The following RYR3 variants were observed in gnomAD, a reference collection of about 807,000 sequenced individuals.
The protein encoded by RYR3 is brain ryanodine receptor-calcium release channel.
Under a neutral mutation model 584.3 loss-of-function variants are expected in RYR3, and 207 were observed. That is an observed-to-expected ratio of 0.35 (90% CI 0.32 to 0.40). RYR3 has a LOEUF of 0.40. Among genes scored for constraint, RYR3 ranks in the 10% least tolerant of loss-of-function variants. RYR3 has a pLI of 1.00. For synonymous variants in RYR3, 2,416 were observed against 2,248.5 expected (o/e 1.07, Z -2.11); for missense variants, 5,616 against 6,089.2 (o/e 0.92, Z 2.59).
chr15:33,453,860 ACT>A (rs1235873462), intron 1 of RYR3, among the ~76,000 whole-genome samples: 4 of 152,176 alleles, frequency 2.6e-5, no homozygotes, highest in African/African-American at 9.7e-5. Flanking sequence ...TAACCCTTTG[ACT>A]CTGTTGGAGA....
chr15:33,860,271 G>A (rs1435612118), intron 100 of RYR3, among the ~76,000 whole-genome samples: 1 of 152,168 alleles, frequency 6.6e-6, no homozygotes, highest in Non-Finnish European at 1.5e-5. Flanking sequence ...GAGGTGCTAG[G>A]AGAAGAGGGA....
intron 73 of RYR3, 24 bp downstream of exon 73, chr15:33,813,018 A>T: frequency 5.6e-6 from 9 of 1,613,352 alleles, no homozygotes; most frequent in Non-Finnish European, 7.6e-6. Context: ...GCCCTGAGGA[A>T]TGGGGAAGCA....
At position 33,801,909 on chromosome 15, in the gene RYR3, A is replaced by C. The variant is rs1419125742; in HGVS notation, c.9959A>C (p.Glu3320Ala). The C allele has an allele frequency of 1.3e-6, 2 of 1,585,760 alleles. No homozygotes were observed. Among genetic ancestry groups the C allele is most frequent in the Admixed American group, 3.6e-5 (2 of 55,688 alleles). The change falls in exon 69 of 104, where the codon GAA (glutamate) becomes GCA (alanine). Residue 3320 changes from glutamate (E) to alanine (A), a missense_variant. By Grantham distance (107) the Glu-to-Ala change is moderately radical. Transcript: ENST00000634891. ...REEQNFVIQN[E>A]INNLAFLTGD... ...GAGCAAAATTTTGTGATTCAGAATGAAATTAATAATTTGGCATTTTTAACT... is the reference window on the plus strand; with the variant it reads ...GAGCAAAATTTTGTGATTCAGAATGCAATTAATAATTTGGCATTTTTAACT...
At chr15:33,637,091 G>A (rs1396066927) in intron 27 of RYR3, among the ~76,000 whole-genome samples, 1 of 152,136 alleles carries the variant, frequency 6.6e-6, no homozygotes, top group Admixed American at 6.5e-5. Flanking sequence ...ATTTTTTAAT[G>A]TCCATGAATA....
At position 33,853,020 on chromosome 15, in the gene RYR3, C is replaced by G. The variant is rs747152756; in HGVS notation, c.13629-25C>G. ...TTCCTTGATGTTAAGAATGAAGAAC[C>G]AACCTTTTTCGTTTTGTTTTTCAGA... On this transcript the variant is annotated intron_variant, in intron 94 of 103. Coordinates refer to ENST00000634891, the MANE Select transcript of RYR3 (RefSeq NM_001036.6). 3.1e-6 allele frequency: 5 copies of G among 1,594,500 alleles called. No individual in the cohort carries two copies. In the South Asian group the frequency reaches 5.7e-5, roughly 18 times the overall value.
chr15:33,716,735 T>C (rs1306246350), intron 43 of RYR3, among the ~76,000 whole-genome samples: 2 of 152,220 alleles, frequency 1.3e-5, no homozygotes, highest in Non-Finnish European at 2.9e-5. Flanking sequence ...ACGATAGTGA[T>C]AACTGAGTGT....
chr15:33,779,676 C>T (rs956472257), intron 64 of RYR3, among the ~76,000 whole-genome samples: 3 of 152,058 alleles, frequency 2.0e-5, no homozygotes, highest in East Asian at 1.9e-4. Flanking sequence ...GGGACAAAGC[C>T]GCACAGTGTG....
intron 64 of RYR3, among the ~76,000 whole-genome samples, chr15:33,777,163 A>G (rs1281049013): frequency 6.6e-6 from 1 of 152,236 alleles, no homozygotes; most frequent in African/African-American, 2.4e-5. Flanking sequence ...ACTCCAGCCT[A>G]GGCTACGAAA....
intron 1 of RYR3, among the ~76,000 whole-genome samples, chr15:33,327,516 C>G (rs1156841017): frequency 6.6e-6 from 1 of 152,174 alleles, no homozygotes; most frequent in Admixed American, 6.5e-5. Context: ...TCAACACAAT[C>G]AGATTGTTTA....
At chr15:33,647,388 G>A (rs1213982946) in intron 29 of RYR3, 36 bp from the exon 30 acceptor site, 3 of 1,574,264 alleles carry the variant, frequency 1.9e-6, no homozygotes, top group East Asian at 2.2e-5. Flanking sequence ...TCTCAATACA[G>A]CTGAATAACT....
At chr15:33,857,668 C>T (rs1467929623) in intron 98 of RYR3, 112 bp from the exon 99 acceptor site, 21 of 1,365,520 alleles carry the variant, frequency 1.5e-5, no homozygotes, top group Non-Finnish European at 2.1e-5. Context: ...TTCCCCATTT[C>T]CTCTCCTTGC....
intron 28 of RYR3, among the ~76,000 whole-genome samples, chr15:33,646,075 AC>A (rs762515484): frequency 6.6e-6 from 1 of 152,040 alleles, no homozygotes; most frequent in Non-Finnish European, 1.5e-5. Flanking sequence ...CCCAGATGCC[AC>A]CCCCCTCTGG....
chr15:33,620,334 C>T (rs769998836), intron 19 of RYR3, among the ~76,000 whole-genome samples: 1 of 152,064 alleles, frequency 6.6e-6, no homozygotes, highest in Middle Eastern at 3.2e-3. Context: ...AAAGGGAGAA[C>T]GCTTCTCCCT....
intron 16 of RYR3, among the ~76,000 whole-genome samples, chr15:33,592,661 C>G (rs745836203): frequency 6.6e-6 from 1 of 152,148 alleles, no homozygotes; most frequent in Non-Finnish European, 1.5e-5. Context: ...ACCTGCCTCT[C>G]CAGCCAGGTA....
chr15:33,578,029 C>G (rs2058387576), intron 12 of RYR3, among the ~76,000 whole-genome samples: 1 of 152,150 alleles, frequency 6.6e-6, no homozygotes, highest in African/African-American at 2.4e-5. Context: ...TCACTGATCA[C>G]TAGAGAAATG....
chr15:33,367,382 T>G (rs2141057753), intron 1 of RYR3, among the ~76,000 whole-genome samples: 1 of 152,356 alleles, frequency 6.6e-6, no homozygotes, highest in South Asian at 2.1e-4. Flanking sequence ...TGGATAATCT[T>G]TGACTCTGCT....
At chr15:33,752,906 T>C (rs2071457453) in intron 57 of RYR3, among the ~76,000 whole-genome samples, 1 of 152,338 alleles carries the variant, frequency 6.6e-6, no homozygotes, top group African/African-American at 2.4e-5. Flanking sequence ...GCTGTGGGTT[T>C]GTCATAAATA....
At chr15:33,471,748 G>T (rs747263184) in intron 1 of RYR3, among the ~76,000 whole-genome samples, 1 of 151,874 alleles carries the variant, frequency 6.6e-6, no homozygotes, top group Non-Finnish European at 1.5e-5. Flanking sequence ...TTCTCAATAG[G>T]GGGTATTCTT....
At chr15:33,522,179 C>T (rs1189510918) in intron 3 of RYR3, among the ~76,000 whole-genome samples, 1 of 150,932 alleles carries the variant, frequency 6.6e-6, no homozygotes, top group Non-Finnish European at 1.5e-5. Flanking sequence ...AGGAGAATTG[C>T]TGGAACCCAG....
Sources: allele counts gnomAD v4.1 joint callset (sites outside exome capture counted in the v4.1 genomes callset), GRCh38; gene constraint gnomAD v4.1.1; transcripts MANE v1.5; gene names NCBI Gene and HGNC (gene_info 2026-07-23, HGNC 2026-07-21).